Variants in DLGAP5 observed in about 807,000 individuals in gnomAD.
The protein encoded by DLGAP5 is DLG associated protein 5.
DLGAP5 carries 90 observed loss-of-function variants against 99.6 expected under a neutral mutation model. The ratio of observed to expected loss-of-function variants is 0.90; its 90% CI spans 0.76 to 1.08. The LOEUF is 1.08. DLGAP5 is among the 50% of genes least tolerant of loss of function. DLGAP5 has a pLI of 0.00. For synonymous variants in DLGAP5, 311 were observed against 321.3 expected (o/e 0.97, Z 0.34); for missense variants, 1,036 against 983.5 (o/e 1.05, Z -0.71).
chr14:55,188,386 T>C lies in DLGAP5; in HGVS notation c.238+556A>G, dbSNP rs552638783. ...AATCCTTCTGGGCAAACTGCAAGGA[T>C]GAATTCTTTGCTCTTTTCTTACTAA... On this transcript the variant is annotated intron_variant, in intron 2 of 18. Transcript: ENST00000247191. Among the ~76,000 whole-genome samples the C allele has an allele frequency of 2.6e-5, 4 of 152,348 alleles. No individual in the cohort carries two copies. The South Asian group carries it at 8.3e-4, about 32-fold the overall frequency.
Position 55,181,239 on chromosome 14 carries a change from T to G in DLGAP5, c.554A>C (p.Lys185Thr). 1.2e-6 allele frequency: 2 copies of G among 1,614,138 alleles called. No homozygotes were observed. The highest frequency in any genetic ancestry group is 1.7e-6 in the Non-Finnish European group (2 of 1,180,014). The change falls in exon 5 of 19, where the codon AAG becomes ACG. Residue 185 changes from lysine to threonine, a missense_variant. Lys to Thr is a moderately conservative substitution (Grantham distance 78). Coordinates refer to ENST00000247191, the MANE Select transcript of DLGAP5 (RefSeq NM_014750.5). ...TTTTTTCTCTTTGTCTGACACTTTC[T>G]TTTCAGAAGTTTGTCTTGGACCAGG... Reference protein sequence around the residue: ...IRPGPRQTSEKKVSDKEKKVV... With the variant: ...IRPGPRQTSETKVSDKEKKVV...
chr14:55,150,906 G>T, intron 17 of DLGAP5, 58 bp from the exon 18 acceptor site: 1 of 1,169,072 alleles, frequency 8.6e-7, no homozygotes, highest in Non-Finnish European at 1.2e-6. Context: ...AGGGCTGTTA[G>T]AAATGGACAA....
intron 12 of DLGAP5, among the ~76,000 whole-genome samples, chr14:55,168,593 T>G (rs1882730171): frequency 6.6e-6 from 1 of 152,218 alleles, no homozygotes; most frequent in Non-Finnish European, 1.5e-5. Context: ...CCTTTACTGA[T>G]CTTCCTAGTA....
At chr14:55,155,956 T>C (rs1882203942) in intron 14 of DLGAP5, among the ~76,000 whole-genome samples, 1 of 151,742 alleles carries the variant, frequency 6.6e-6, no homozygotes, top group Non-Finnish European at 1.5e-5. Flanking sequence ...CCGGGTGTGG[T>C]GGCAGGCGCC....
chr14:55,190,346 GC>G (rs1883571965), intron 1 of DLGAP5, among the ~76,000 whole-genome samples: 1 of 150,870 alleles, frequency 6.6e-6, no homozygotes, highest in African/African-American at 2.5e-5. Flanking sequence ...ATTGGCACAT[GC>G]CTTTTTCTTG....
At chr14:55,178,974 G>T (rs1186625982) in intron 7 of DLGAP5, among the ~76,000 whole-genome samples, 1 of 152,108 alleles carries the variant, frequency 6.6e-6, no homozygotes, top group Non-Finnish European at 1.5e-5. Flanking sequence ...TTGAACCCGG[G>T]GAGCGGAAGG....
At chr14:55,167,211 G>A (rs531718929) in intron 12 of DLGAP5, among the ~76,000 whole-genome samples, 23 of 144,292 alleles carry the variant, frequency 1.6e-4, no homozygotes, top group African/African-American at 5.9e-4. Flanking sequence ...CCAAGATCAC[G>A]CCACCGCTCT....
intron 6 of DLGAP5, 125 bp from the exon 7 acceptor site, chr14:55,179,824 C>A (rs2139522871): frequency 2.8e-6 from 2 of 715,892 alleles, no homozygotes; most frequent in East Asian, 6.0e-5. Flanking sequence ...TTATTAAAAG[C>A]CATATTATAA....
chr14:55,189,191 A>G lies in DLGAP5; in HGVS notation c.-1-11T>C. The G allele has an allele frequency of 6.2e-7, 1 of 1,602,122 alleles. No individual in the cohort carries two copies. Among genetic ancestry groups the G allele is most frequent in the Non-Finnish European group, 8.5e-7 (1 of 1,171,108 alleles). ...TGTGATGAAGACATCCTGTCAAGGA[A>G]AAGGACAAAACCCAACTTACATGAA... is the stretch of plus-strand genomic sequence containing the variant. On this transcript the variant is annotated splice_polypyrimidine_tract_variant and intron_variant, in intron 1 of 18. Transcript: ENST00000247191.
rs1288059232 is a variant in DLGAP5, at chr14:55,151,746, C to G, written c.2317G>C (p.Ala773Pro). ...TCTTCTAAGATGCTATTTTGTGAAG[C>G]TGTATTTTTTTCAGGGCTACTCATC... ...VLMSSPEKNTASQNSILEEGE... is the reference protein window; with the variant it reads ...VLMSSPEKNTPSQNSILEEGE... The change falls in exon 17 of 19, where the codon GCT (alanine) becomes CCT (proline). Residue 773 changes from alanine to proline, a missense_variant. Physicochemically the swap from Ala to Pro is conservative, Grantham distance 27. Coordinates refer to ENST00000247191, the MANE Select transcript of DLGAP5 (RefSeq NM_014750.5). 6.2e-7 allele frequency: 1 copy of G among 1,613,806 alleles called. No individual in the cohort carries two copies. The highest frequency in any genetic ancestry group is 1.7e-5 in the Admixed American group (1 of 59,990).
At chr14:55,189,975 AT>A (rs1883555722) in intron 1 of DLGAP5, among the ~76,000 whole-genome samples, 2 of 152,180 alleles carry the variant, frequency 1.3e-5, no homozygotes, top group African/African-American at 4.8e-5. Context: ...TCCTGAAGCT[AT>A]TTAGAGGCAT....
chr14:55,152,440 C>T, intron 16 of DLGAP5, 150 bp downstream of exon 16: 1 of 553,860 alleles, frequency 1.8e-6, no homozygotes, highest in Non-Finnish European at 3.0e-6. Context: ...TTTTAAACAA[C>T]CCAAATGTCA....
intron 11 of DLGAP5, among the ~76,000 whole-genome samples, chr14:55,169,928 A>T (rs374701755): frequency 6.6e-6 from 1 of 152,154 alleles, no homozygotes; most frequent in African/African-American, 2.4e-5. Flanking sequence ...TGAGGTCAGG[A>T]GTTCGAGACC....
At chr14:55,177,638 C>T (rs1276286000) in intron 7 of DLGAP5, among the ~76,000 whole-genome samples, 1 of 151,576 alleles carries the variant, frequency 6.6e-6, no homozygotes, top group East Asian at 2.0e-4. Context: ...CCCGGGTTCA[C>T]GCCATTCTCC....
chr14:55,158,468 C>G (rs1389260698), intron 14 of DLGAP5, 54 bp downstream of exon 14: 1 of 1,477,086 alleles, frequency 6.8e-7, no homozygotes, highest in Non-Finnish European at 9.3e-7. Flanking sequence ...CCAAATATTT[C>G]TCTTAAGTAG....
chr14:55,180,385 G>A (rs928270481), intron 6 of DLGAP5, among the ~76,000 whole-genome samples: 7 of 152,040 alleles, frequency 4.6e-5, no homozygotes, highest in African/African-American at 7.2e-5. Context: ...TAATGGCTAC[G>A]TTGTATTGCA....
intron 11 of DLGAP5, 102 bp downstream of exon 11, chr14:55,170,600 A>G: frequency 2.0e-6 from 2 of 1,023,914 alleles, no homozygotes; most frequent in South Asian, 3.0e-5. Flanking sequence ...TTTGAATGAT[A>G]ATGAAACAAT....
chr14:55,181,420 CAA>C (rs1223535598), intron 4 of DLGAP5, 123 bp from the exon 5 acceptor site: 2 of 625,748 alleles, frequency 3.2e-6, no homozygotes, highest in Non-Finnish European at 5.2e-6. Context: ...ACAACAACAA[CAA>C]AAAACTACCC....
At chr14:55,176,160 G>T in intron 8 of DLGAP5, 142 bp from the exon 9 acceptor site, 1 of 644,272 alleles carries the variant, frequency 1.6e-6, no homozygotes, top group Non-Finnish European at 2.4e-6. Flanking sequence ...CTGGAGGGGA[G>T]AAAATGTAAA....
Sources: gnomAD v4.1 joint callset for allele counts (sites outside exome capture counted in the v4.1 genomes callset) on GRCh38, gnomAD v4.1.1 for gene constraint, MANE v1.5 for transcripts, NCBI Gene and HGNC (gene_info 2026-07-23, HGNC 2026-07-21) for gene names.